Variants in PTPRA observed in about 807,000 individuals in gnomAD.
The protein encoded by PTPRA is receptor-type tyrosine-protein phosphatase alpha.
Under a neutral mutation model 104.8 loss-of-function variants are expected in PTPRA, and 25 were observed. The ratio of observed to expected loss-of-function variants is 0.24; its 90% CI spans 0.17 to 0.33. PTPRA has a LOEUF of 0.33. Among genes scored for constraint, PTPRA ranks in the 10% least tolerant of loss-of-function variants. The probability of loss-of-function intolerance (pLI) is 1.00; values close to 1 mark genes in which losing one functional copy is unlikely to be tolerated. For missense variants in PTPRA, 765 were observed against 1,015.3 expected (o/e 0.75, Z 3.35); for synonymous variants, 323 against 368.9 (o/e 0.88, Z 1.43).
chr20:2,886,683 T>TA (rs34430434), intron 1 of PTPRA, among the ~76,000 whole-genome samples: 51,659 of 135,816 alleles, frequency 0.38, 10,759 homozygotes, highest in South Asian at 0.63. Context: ...CCGTCTCTAC[T>TA]AAAAAAAAAA....
At chr20:2,897,894 G>A (rs1345176378) in intron 1 of PTPRA, among the ~76,000 whole-genome samples, 1 of 143,122 alleles carries the variant, frequency 7.0e-6, no homozygotes, top group African/African-American at 2.6e-5. Context: ...CTTTTTCCAT[G>A]TCCTCATCAT....
chr20:2,926,751 C>A (rs2060309559), intron 2 of PTPRA, among the ~76,000 whole-genome samples: 2 of 138,668 alleles, frequency 1.4e-5, no homozygotes, highest in East Asian at 2.1e-4. Flanking sequence ...TTCTTTCTTC[C>A]TTTCCTTTTT....
chr20:2,928,285 G>A (rs1312822106), intron 2 of PTPRA, among the ~76,000 whole-genome samples: 1 of 151,974 alleles, frequency 6.6e-6, no homozygotes, highest in Non-Finnish European at 1.5e-5. Flanking sequence ...ATAGGCGCCT[G>A]TCACCACGCC....
chr20:2,876,329 C>T (rs1049347512), intron 1 of PTPRA, among the ~76,000 whole-genome samples: 1 of 152,204 alleles, frequency 6.6e-6, no homozygotes, highest in Admixed American at 6.5e-5. Flanking sequence ...CCCCAAGTCT[C>T]CTGTCTCCCT....
intron 2 of PTPRA, among the ~76,000 whole-genome samples, chr20:2,940,346 G>A (rs150261151): frequency 3.1e-4 from 47 of 150,064 alleles, no homozygotes; most frequent in South Asian, 2.5e-3. Context: ...TAAAGAGACC[G>A]GGTCTCGCTG....
intron 2 of PTPRA, among the ~76,000 whole-genome samples, chr20:2,936,718 CT>C (rs768666112): frequency 1.3e-5 from 2 of 152,332 alleles, no homozygotes; most frequent in South Asian, 4.1e-4. Flanking sequence ...AGTGATCCAC[CT>C]ACCTTGGTCT....
chr20:3,032,815 T>C (rs1215161753), intron 20 of PTPRA, among the ~76,000 whole-genome samples: 3 of 151,154 alleles, frequency 2.0e-5, no homozygotes, highest in East Asian at 3.9e-4. Context: ...CTCTGTTCGC[T>C]CTGTTCCTTC....
At chr20:2,970,459 G>A (rs2062138364) in intron 5 of PTPRA, among the ~76,000 whole-genome samples, 1 of 152,204 alleles carries the variant, frequency 6.6e-6, no homozygotes. Flanking sequence ...GCATTTTGCT[G>A]AGATTGAGCA....
chr20:2,893,562 A>C (rs764117995), intron 1 of PTPRA, among the ~76,000 whole-genome samples: 1 of 152,192 alleles, frequency 6.6e-6, no homozygotes, highest in Non-Finnish European at 1.5e-5. Flanking sequence ...TATATATCAT[A>C]TATTTAATCA....
chr20:2,994,324 C>T (rs970673987), intron 9 of PTPRA, among the ~76,000 whole-genome samples: 1 of 152,128 alleles, frequency 6.6e-6, no homozygotes, highest in African/African-American at 2.4e-5. Context: ...GGCCCCCTCT[C>T]TAGCATGGTG....
chr20:3,035,889 G>C lies in PTPRA; in HGVS notation c.2146G>C (p.Val716Leu). ...GGGCATGATCAGCATCATCGCCGCC[G>C]TGCAGAAGCAGCAGCAGCAGTCAGG... ...GKGMISIIAA[V>L]QKQQQQSGNH... The change falls in exon 22 of 24, where the codon GTG (valine) becomes CTG (leucine). Residue 716 changes from valine (V) to leucine (L), a missense_variant. Transcript: ENST00000399903. This position sits in a 1 kb window ranked among gnomAD's most constrained non-coding sequence, Gnocchi z 5.8. The C allele has an allele frequency of 6.2e-7, 1 of 1,614,066 alleles. No individual in the cohort carries two copies. The highest frequency in any genetic ancestry group is 8.5e-7 in the Non-Finnish European group (1 of 1,180,036).
intron 1 of PTPRA, among the ~76,000 whole-genome samples, chr20:2,887,191 T>G (rs933087393): frequency 7.9e-5 from 12 of 152,162 alleles, no homozygotes; most frequent in Admixed American, 7.2e-4. Flanking sequence ...TTAAGATGGG[T>G]TTTACATTAC....
At chr20:2,865,342 TG>T in the PTPRA span, 1 of 1,614,092 alleles carries the variant, frequency 6.2e-7, no homozygotes, top group Non-Finnish European at 8.5e-7. This position sits in a 1 kb window ranked among gnomAD's most constrained non-coding sequence, Gnocchi z 5.2. Flanking sequence ...AGGCTGCATG[TG>T]GGTCCCAGGA....
intron 11 of PTPRA, among the ~76,000 whole-genome samples, chr20:3,008,725 T>C (rs1286841534): frequency 8.6e-6 from 1 of 116,028 alleles, no homozygotes; most frequent in East Asian, 3.0e-4. Context: ...ACCTCATCTC[T>C]ACTAAAAAAA....
chr20:2,932,820 T>C (rs2089263836), intron 2 of PTPRA, among the ~76,000 whole-genome samples: 1 of 152,244 alleles, frequency 6.6e-6, no homozygotes, highest in Non-Finnish European at 1.5e-5. Flanking sequence ...AGGATGGCAC[T>C]TTCTGTAGAT....
At chr20:2,922,096 G>A (rs765970570) in intron 1 of PTPRA, among the ~76,000 whole-genome samples, 26 of 152,120 alleles carry the variant, frequency 1.7e-4, no homozygotes, top group Non-Finnish European at 3.1e-4. Flanking sequence ...TGTTCCCTAG[G>A]GAAGGGCCTA....
chr20:2,923,537 G>T (rs1288664344), intron 2 of PTPRA, among the ~76,000 whole-genome samples: 1 of 151,368 alleles, frequency 6.6e-6, no homozygotes, highest in Non-Finnish European at 1.5e-5. Flanking sequence ...GGTGGATCAC[G>T]CCTGTAATCC....
intron 9 of PTPRA, among the ~76,000 whole-genome samples, chr20:2,991,448 G>T (rs1397396274): frequency 6.6e-6 from 1 of 152,100 alleles, no homozygotes; most frequent in Non-Finnish European, 1.5e-5. Context: ...GCTAGGCATT[G>T]TACTGTTTTG....
chr20:2,927,516 A>G lies in PTPRA; in HGVS notation c.-50+4231A>G, dbSNP rs79503238. The stretch of plus-strand genomic sequence containing the variant: ...CTCAATCATACACTCCAGCCTGTCA[A>G]GGCTAGTTCAAACCATACACTGTGG... On this transcript the variant is annotated intron_variant, in intron 2 of 23. Transcript: ENST00000399903. Among the ~76,000 whole-genome samples the G allele has an allele frequency of 3.3e-5, 5 of 152,282 alleles. No individual in the cohort carries two copies. The East Asian group carries it at 9.7e-4, about 29-fold the overall frequency.
Sources: allele counts gnomAD v4.1 joint callset (sites outside exome capture counted in the v4.1 genomes callset), GRCh38; gene constraint gnomAD v4.1.1; non-coding constraint Gnocchi (gnomAD v3.1); transcripts MANE v1.5; gene names NCBI Gene and HGNC (gene_info 2026-07-23, HGNC 2026-07-21).